ZDHHC14: variants seen among roughly 807,000 people sequenced by gnomAD.
ZDHHC14 encodes the protein zDHHC palmitoyltransferase 14, also known as palmitoyltransferase ZDHHC14.
A neutral mutation model predicts 47.7 loss-of-function variants in ZDHHC14; 16 were observed. The observed-to-expected ratio is 0.34, with a 90% CI of 0.23 to 0.51. The LOEUF (loss-of-function observed/expected upper bound fraction) is 0.51. ZDHHC14 is among the 20% of genes least tolerant of loss of function. ZDHHC14 has a pLI of 0.97. For synonymous variants in ZDHHC14, 293 were observed against 278.9 expected (o/e 1.05, Z -0.50); for missense variants, 515 against 662.5 (o/e 0.78, Z 2.44).
intron 3 of ZDHHC14, among the ~76,000 whole-genome samples, chr6:157,627,018 T>C (rs929602523): frequency 6.6e-5 from 10 of 152,124 alleles, no homozygotes; most frequent in Admixed American, 5.2e-4. Context: ...CAGGGAGCTC[T>C]GAAATCTCTC....
At chr6:157,455,237 C>T (rs1172608796) in intron 1 of ZDHHC14, among the ~76,000 whole-genome samples, 1 of 152,228 alleles carries the variant, frequency 6.6e-6, no homozygotes, top group East Asian at 1.9e-4. Flanking sequence ...TGAGCACCTG[C>T]TGCAGAAAGA....
At chr6:157,644,521 G>T (rs1287176212) in intron 5 of ZDHHC14, among the ~76,000 whole-genome samples, 3 of 152,222 alleles carry the variant, frequency 2.0e-5, no homozygotes, top group African/African-American at 7.2e-5. Context: ...TCAGTCAACA[G>T]GCAGAAGCCC....
At chr6:157,519,696 A>G (rs369832371) in intron 1 of ZDHHC14, among the ~76,000 whole-genome samples, 1 of 152,260 alleles carries the variant, frequency 6.6e-6, no homozygotes, top group Admixed American at 6.5e-5. Context: ...CCAGAGCAAA[A>G]GTGACTTCCC....
At chr6:157,439,117 G>A (rs1778508551) in intron 1 of ZDHHC14, among the ~76,000 whole-genome samples, 4 of 152,140 alleles carry the variant, frequency 2.6e-5, no homozygotes, top group Admixed American at 2.6e-4. Context: ...ACTCTGTCAT[G>A]TTCCCTGTCT....
At chr6:157,486,004 C>G (rs923468230) in intron 1 of ZDHHC14, among the ~76,000 whole-genome samples, 1 of 152,246 alleles carries the variant, frequency 6.6e-6, no homozygotes, top group Non-Finnish European at 1.5e-5. Flanking sequence ...CAGAGTGAAA[C>G]TCGGTGCCCC....
intron 1 of ZDHHC14, among the ~76,000 whole-genome samples, chr6:157,526,104 A>C (rs1781143389): frequency 6.6e-6 from 1 of 152,226 alleles, no homozygotes. Context: ...GGAAGTGTGA[A>C]GGTTACCAGA....
chr6:157,442,460 G>C (rs1357396880), intron 1 of ZDHHC14, among the ~76,000 whole-genome samples: 1 of 152,222 alleles, frequency 6.6e-6, no homozygotes, highest in Non-Finnish European at 1.5e-5. Context: ...CTACAGAATT[G>C]CTTTGGTAAG....
chr6:157,662,270 C>T (rs533402728), intron 8 of ZDHHC14, among the ~76,000 whole-genome samples: 2 of 152,276 alleles, frequency 1.3e-5, no homozygotes, highest in South Asian at 2.1e-4. Flanking sequence ...CACTCTTGAC[C>T]TCCCGGGTTC....
chr6:157,667,708 T>G (rs1325976399), intron 8 of ZDHHC14, among the ~76,000 whole-genome samples: 2 of 151,958 alleles, frequency 1.3e-5, no homozygotes, highest in African/African-American at 4.8e-5. Flanking sequence ...CATGACTTTC[T>G]CAAATGAGAA....
At chr6:157,590,849 G>A (rs1206605949) in intron 2 of ZDHHC14, among the ~76,000 whole-genome samples, 6 of 152,240 alleles carry the variant, frequency 3.9e-5, no homozygotes, top group African/African-American at 1.2e-4. Flanking sequence ...CAGTTGGGAG[G>A]GGGGTTGTAC....
At chr6:157,393,024 C>T (rs1300030211) in intron 1 of ZDHHC14, among the ~76,000 whole-genome samples, 5 of 152,060 alleles carry the variant, frequency 3.3e-5, no homozygotes, top group Admixed American at 2.0e-4. Context: ...GGATTATAGG[C>T]GTGCACCATC....
At chr6:157,654,671 C>T (rs1207139126) in intron 8 of ZDHHC14, among the ~76,000 whole-genome samples, 1 of 151,860 alleles carries the variant, frequency 6.6e-6, no homozygotes, top group Non-Finnish European at 1.5e-5. Flanking sequence ...CTGGGGTTTA[C>T]GTGTTGGTGG....
intron 7 of ZDHHC14, among the ~76,000 whole-genome samples, chr6:157,652,295 C>T (rs1383782485): frequency 7.9e-5 from 12 of 152,258 alleles, no homozygotes; most frequent in Admixed American, 1.3e-4. Context: ...AGGACTGACA[C>T]GTAGGAGGCC....
At chr6:157,486,011 C>T (rs749301772) in intron 1 of ZDHHC14, among the ~76,000 whole-genome samples, 3 of 152,198 alleles carry the variant, frequency 2.0e-5, no homozygotes, top group Non-Finnish European at 2.9e-5. Flanking sequence ...AAACTCGGTG[C>T]CCCCTCAAAA....
In ZDHHC14 at chr6:157,524,300, A is replaced by C. The variant is rs547636047; in HGVS notation, c.246-18285A>C. ...AAGCGTGTGCCACCACACCTGGCTA[A>C]TTTTTGTATTTTTAGTAGAGATGGG... On this transcript the variant is annotated intron_variant, in intron 1 of 8. Coordinates refer to ENST00000359775, the MANE Select transcript of ZDHHC14 (RefSeq NM_024630.3). Among the ~76,000 whole-genome samples, 9 of 152,086 alleles carry C rather than the reference A, an allele frequency of 5.9e-5. No homozygotes were observed. The South Asian group carries it at 1.9e-3, about 32-fold the overall frequency.
chr6:157,664,141 C>A (rs761780071), intron 8 of ZDHHC14, among the ~76,000 whole-genome samples: 2 of 152,208 alleles, frequency 1.3e-5, no homozygotes, highest in Admixed American at 1.3e-4. Context: ...GTCCCTGAGG[C>A]TCTGTGCTTT....
chr6:157,544,160 C>A (rs978390827), intron 2 of ZDHHC14, among the ~76,000 whole-genome samples: 1 of 152,188 alleles, frequency 6.6e-6, no homozygotes, highest in African/African-American at 2.4e-5. Flanking sequence ...GAAGTCAAAC[C>A]TAGTTTCCTT....
At chr6:157,639,836 T>C (rs1410345693) in intron 5 of ZDHHC14, among the ~76,000 whole-genome samples, 1 of 152,168 alleles carries the variant, frequency 6.6e-6, no homozygotes, top group Non-Finnish European at 1.5e-5. Flanking sequence ...TGGGGAGCCG[T>C]GGTGAGTTCT....
At chr6:157,659,006 T>G (rs1468959653) in intron 8 of ZDHHC14, among the ~76,000 whole-genome samples, 2 of 152,244 alleles carry the variant, frequency 1.3e-5, no homozygotes. Flanking sequence ...CTATTCAGAT[T>G]TTTTACTTTT....
Sources: allele counts gnomAD v4.1 joint callset (sites outside exome capture counted in the v4.1 genomes callset), GRCh38; gene constraint gnomAD v4.1.1; transcripts MANE v1.5; gene names NCBI Gene and HGNC (gene_info 2026-07-23, HGNC 2026-07-21).